Variants in C3orf20 observed in about 807,000 individuals in gnomAD.
C3orf20 encodes uncharacterized protein C3orf20.
Under a neutral mutation model 88.3 loss-of-function variants are expected in C3orf20, and 76 were observed. That is an observed-to-expected ratio of 0.86 (90% CI 0.72 to 1.04). The LOEUF is 1.04. C3orf20 is among the 50% of genes least tolerant of loss of function. C3orf20 has a pLI of 0.00. For synonymous variants in C3orf20, 436 were observed against 437.4 expected, an observed-to-expected ratio of 1.00 and a Z score of 0.04; for missense variants, 1,056 against 1,123.3, an observed-to-expected ratio of 0.94 and a Z score of 0.86.
Position 14,724,063 on chromosome 3 carries a change from C to T in C3orf20, c.1566+2279C>T, listed in dbSNP as rs114725092. Among the ~76,000 whole-genome samples the T allele has an allele frequency of 6.0e-3, 911 of 152,208 alleles. 4 individuals carry two copies. The highest frequency in any genetic ancestry group is 0.021 in the African/African-American group (854 of 41,508). The stretch of plus-strand genomic sequence containing the variant: ...CAAACTCCTGACCTTAGATGACCCA[C>T]GCGCCTCAGCCTCCCAAAGTGCTGG... On this transcript the variant is annotated intron_variant, in intron 10 of 16. Coordinates refer to ENST00000253697, the MANE Select transcript of C3orf20 (RefSeq NM_032137.5).
rs1042209098 is a variant in C3orf20, at chr3:14,682,755, C to T, written c.42C>T (p.Tyr14=). The T allele has an allele frequency of 1.9e-6, 3 of 1,613,888 alleles. No homozygotes were observed. Among genetic ancestry groups the T allele is most frequent in the Admixed American group, 3.3e-5 (2 of 60,000 alleles). The change falls in exon 3 of 17, where the codon TAC becomes TAT. Residue 14 remains tyrosine, a synonymous_variant. Coordinates refer to ENST00000253697, the MANE Select transcript of C3orf20 (RefSeq NM_032137.5). ...GTAACCTAGAATTATATCAGCAATA[C>T]ACAGCCATGGCCCCCAAGCTACTGG... ...IKSNLELYQQ[Y]TAMAPKLLAR...
intron 5 of C3orf20, among the ~76,000 whole-genome samples, chr3:14,698,023 G>A (rs1036892280): frequency 5.3e-5 from 8 of 152,132 alleles, no homozygotes; most frequent in South Asian, 2.1e-4. Context: ...GAACATACGT[G>A]TGCATGTGTC....
At position 14,772,794 on chromosome 3, in the gene C3orf20, A is replaced by T; in HGVS notation, c.2634A>T (p.Thr878=). ...EKELSLEAEK[T]REPEVELHPL... is the part of the protein sequence containing the mutation. The stretch of plus-strand genomic sequence containing the variant: ...GGCCCTCTATTTTGATCTTTAGGAC[A>T]AGAGAGCCTGAAGTGGAGCTACATC... Residue 878 remains threonine (T), a synonymous_variant, in exon 17 of 17, where the codon ACA becomes ACT. Transcript: ENST00000253697. This position sits in a 1 kb window ranked among gnomAD's most constrained non-coding sequence, Gnocchi z 4.2. The T allele has an allele frequency of 1.9e-6, 3 of 1,613,208 alleles. No individual in the cohort carries two copies. The highest frequency in any genetic ancestry group is 2.5e-6 in the Non-Finnish European group (3 of 1,179,216).
intron 12 of C3orf20, among the ~76,000 whole-genome samples, chr3:14,753,532 A>G (rs772006655): frequency 2.6e-5 from 4 of 152,190 alleles, no homozygotes; most frequent in Admixed American, 2.0e-4. Context: ...ATCTTTGTCT[A>G]GTAAGTCCAA....
chr3:14,684,999 C>T (rs773745785), intron 4 of C3orf20, among the ~76,000 whole-genome samples: 1 of 152,154 alleles, frequency 6.6e-6, no homozygotes, highest in African/African-American at 2.4e-5. Flanking sequence ...GCTTGGGTGA[C>T]ATAGTGAGAC....
At chr3:14,744,620 GA>G (rs965925432) in intron 12 of C3orf20, among the ~76,000 whole-genome samples, 2 of 151,880 alleles carry the variant, frequency 1.3e-5, no homozygotes, top group African/African-American at 4.9e-5. Flanking sequence ...AACTGGGAAT[GA>G]AAAAAGGTTA....
chr3:14,728,537 A>G lies in C3orf20; in HGVS notation c.1789A>G (p.Ser597Gly), dbSNP rs749410699. 95 of 1,614,104 alleles carry G rather than the reference A, an allele frequency of 5.9e-5. No homozygotes were observed. The highest frequency in any genetic ancestry group is 2.7e-4 in the Admixed American group (16 of 60,004). ...RTHPERLPKL[S>G]LYSGESLLRS... ...TCATCCCGAGCGGCTCCCCAAGCTA[A>G]GTTTATACTCAGGAGAAAGTCTTTT... The change falls in exon 12 of 17, where the codon AGT becomes GGT. Residue 597 changes from serine (S) to glycine (G), a missense_variant. Transcript: ENST00000253697.
intron 7 of C3orf20, among the ~76,000 whole-genome samples, chr3:14,710,596 A>G (rs542901888): frequency 6.6e-6 from 1 of 152,106 alleles, no homozygotes; most frequent in South Asian, 2.1e-4. Context: ...TGATTTCTTT[A>G]TCCACCTGTT....
intron 12 of C3orf20, among the ~76,000 whole-genome samples, chr3:14,740,145 TG>T (rs1300022736): frequency 6.6e-6 from 1 of 152,240 alleles, no homozygotes; most frequent in Non-Finnish European, 1.5e-5. Flanking sequence ...GCTTTCAGCT[TG>T]CCTTCCTCAC....
intron 5 of C3orf20, among the ~76,000 whole-genome samples, chr3:14,692,526 T>G (rs1470397861): frequency 6.6e-6 from 1 of 152,246 alleles, no homozygotes; most frequent in Non-Finnish European, 1.5e-5. Flanking sequence ...ATATACCTAT[T>G]TGCCATTTGT....
At chr3:14,685,815 T>C (rs2032387115) in intron 4 of C3orf20, among the ~76,000 whole-genome samples, 1 of 151,846 alleles carries the variant, frequency 6.6e-6, no homozygotes, top group South Asian at 2.1e-4. Flanking sequence ...GCATATAATG[T>C]ACTCTAGGTT....
At position 14,682,902 on chromosome 3, in the gene C3orf20, G is replaced by A. The variant is rs750368276; in HGVS notation, c.189G>A (p.Pro63=). The change falls in exon 3 of 17, where the codon CCG becomes CCA. Residue 63 remains proline (P), a synonymous_variant. Transcript: ENST00000253697. ...ELISDPSVPT[P]SDILGLEVSF... is the part of the protein sequence containing the mutation. ...TCAGTGACCCTTCAGTGCCTACCCC[G>A]TCCGACATCTTGGGCCTGGAGGTCA... is the stretch of plus-strand genomic sequence containing the variant. 1.4e-5 allele frequency: 22 copies of A among 1,614,006 alleles called. No homozygotes were observed. The highest frequency in any genetic ancestry group is 8.9e-5 in the East Asian group (4 of 44,892).
Position 14,761,527 on chromosome 3 carries a change from C to T in C3orf20, c.2407C>T (p.Leu803Phe). ...GGGCCGTGTTTTGAATGGATATGGC[C>T]TCAGCAAGCAGAATCTGCTGAAACA... ...FGGRVLNGYG[L>F]SKQNLLKQIF... Residue 803 changes from leucine (L) to phenylalanine (F), a missense_variant, in exon 15 of 17, where the codon CTC (leucine) becomes TTC (phenylalanine). By Grantham distance (22) the Leu-to-Phe change is conservative (BLOSUM62 0). Coordinates refer to ENST00000253697, the MANE Select transcript of C3orf20 (RefSeq NM_032137.5). 1 of 1,614,012 alleles carries T rather than the reference C, an allele frequency of 6.2e-7. No individual in the cohort carries two copies. The highest frequency in any genetic ancestry group is 8.5e-7 in the Non-Finnish European group (1 of 1,179,972).
chr3:14,758,431 C>T (rs2035452797), intron 13 of C3orf20, among the ~76,000 whole-genome samples: 1 of 152,152 alleles, frequency 6.6e-6, no homozygotes, highest in Non-Finnish European at 1.5e-5. Context: ...TAGAGTCGTT[C>T]CCACCTATCA....
At chr3:14,740,110 G>A (rs1039028789) in intron 12 of C3orf20, among the ~76,000 whole-genome samples, 4 of 152,192 alleles carry the variant, frequency 2.6e-5, no homozygotes, top group Non-Finnish European at 5.9e-5. Flanking sequence ...ACTGGCACAG[G>A]AGGCCTAGAT....
chr3:14,713,742 G>A (rs533235133), intron 7 of C3orf20, among the ~76,000 whole-genome samples: 2 of 152,288 alleles, frequency 1.3e-5, no homozygotes, highest in East Asian at 1.9e-4. Context: ...GACCCAGGGG[G>A]ACCCTACTCA....
intron 5 of C3orf20, among the ~76,000 whole-genome samples, chr3:14,693,075 G>A (rs1252882962): frequency 6.6e-6 from 1 of 152,060 alleles, no homozygotes. Flanking sequence ...TGTTTCACTG[G>A]TCTACATATC....
intron 12 of C3orf20, among the ~76,000 whole-genome samples, chr3:14,738,541 T>C (rs935783423): frequency 7.9e-5 from 12 of 150,946 alleles, no homozygotes; most frequent in South Asian, 2.1e-4. Context: ...CCATGTTAGC[T>C]AGGATGGTCT....
chr3:14,699,133 C>T (rs984166260), intron 5 of C3orf20, among the ~76,000 whole-genome samples: 1 of 152,094 alleles, frequency 6.6e-6, no homozygotes. Context: ...AGGCCTGGGA[C>T]TCACTTTTCA....
Sources: allele counts gnomAD v4.1 joint callset (sites outside exome capture counted in the v4.1 genomes callset), GRCh38; gene constraint gnomAD v4.1.1; non-coding constraint Gnocchi (gnomAD v3.1); transcripts MANE v1.5; gene names NCBI Gene and HGNC (gene_info 2026-07-23, HGNC 2026-07-21).